The following PRRX2 variants were observed in gnomAD, a reference collection of about 807,000 sequenced individuals.
PRRX2 encodes the protein paired related homeobox 2.
A neutral mutation model predicts 18.0 loss-of-function variants in PRRX2; 11 were observed. That is an observed-to-expected ratio of 0.61 (90% CI 0.39 to 1.01). The LOEUF (loss-of-function observed/expected upper bound fraction) is 1.01. PRRX2 is among the 50% of genes least tolerant of loss of function. PRRX2 has a pLI of 0.01. For missense variants in PRRX2, 387 were observed against 351.0 expected (o/e 1.10, Z -0.82); for synonymous variants, 177 against 154.8 (o/e 1.14, Z -1.06).
At chr9:129,692,185 A>C (rs1242829028) in intron 1 of PRRX2, among the ~76,000 whole-genome samples, 1 of 150,822 alleles carries the variant, frequency 6.6e-6, no homozygotes, top group African/African-American at 2.4e-5. Flanking sequence ...CCTGACCTAA[A>C]GTGATCTACT....
At chr9:129,666,611 T>G (rs1832029323) in intron 1 of PRRX2, among the ~76,000 whole-genome samples, 1 of 113,582 alleles carries the variant, frequency 8.8e-6, no homozygotes, top group Non-Finnish European at 1.7e-5. Flanking sequence ...AGCAGCTGCC[T>G]CGGTGGAACG....
chr9:129,691,195 C>T (rs1275652974), intron 1 of PRRX2, among the ~76,000 whole-genome samples: 2 of 150,136 alleles, frequency 1.3e-5, no homozygotes, highest in African/African-American at 2.5e-5. Flanking sequence ...AAATTAGACA[C>T]GCGTCATGGC....
At chr9:129,684,524 C>CACA (rs1564147490) in intron 1 of PRRX2, among the ~76,000 whole-genome samples, 757 of 45,044 alleles carry the variant, frequency 0.017, 27 homozygotes, top group African/African-American at 0.028. Context: ...ACACACACAC[C>CACA]CACACACACC....
intron 1 of PRRX2, among the ~76,000 whole-genome samples, chr9:129,714,994 A>C (rs2130933352): frequency 6.6e-6 from 1 of 152,018 alleles, no homozygotes; most frequent in Admixed American, 6.6e-5. Context: ...TTCCTCATCG[A>C]GGTGGTGGGG....
chr9:129,718,181 AC>A (rs1381738507), intron 1 of PRRX2, among the ~76,000 whole-genome samples: 1 of 150,998 alleles, frequency 6.6e-6, no homozygotes, highest in African/African-American at 2.4e-5. Flanking sequence ...ACAGGCCAGC[AC>A]CACCCTCGGT....
intron 1 of PRRX2, among the ~76,000 whole-genome samples, chr9:129,686,591 C>T (rs1832301781): frequency 6.6e-6 from 1 of 152,164 alleles, no homozygotes; most frequent in South Asian, 2.1e-4. Flanking sequence ...CCTCAGCCTC[C>T]TAAAGCTCTG....
intron 1 of PRRX2, among the ~76,000 whole-genome samples, chr9:129,670,671 G>A (rs1198739815): frequency 1.3e-5 from 2 of 152,126 alleles, no homozygotes; most frequent in Non-Finnish European, 2.9e-5. Context: ...CACCGTGCCC[G>A]GCCCTACCTT....
At chr9:129,687,568 C>G (rs1832312121) in intron 1 of PRRX2, among the ~76,000 whole-genome samples, 1 of 152,220 alleles carries the variant, frequency 6.6e-6, no homozygotes, top group African/African-American at 2.4e-5. Flanking sequence ...ACACTCAAGG[C>G]TGTGTCAACA....
chr9:129,676,523 C>T (rs1018703355), intron 1 of PRRX2, among the ~76,000 whole-genome samples: 7 of 152,170 alleles, frequency 4.6e-5, no homozygotes, highest in African/African-American at 1.7e-4. Context: ...CAAGGTCACA[C>T]AGGGGGTGGA....
At position 129,665,772 on chromosome 9, in the gene PRRX2, G is replaced by A. The variant is rs973138059; in HGVS notation, c.-96G>A. ...AGGCGGCGGGAGCTGGGCAGAGCGCGGGGCGGCCGGGGCTCTCGCTCCGAC... is the reference window on the plus strand; with the variant it reads ...AGGCGGCGGGAGCTGGGCAGAGCGCAGGGCGGCCGGGGCTCTCGCTCCGAC... On this transcript the variant is annotated 5_prime_UTR_variant, in exon 1 of 4. Coordinates refer to ENST00000372469, the MANE Select transcript of PRRX2 (RefSeq NM_016307.4). This position sits in a 1 kb window ranked among gnomAD's most constrained non-coding sequence, Gnocchi z 5.3. The A allele has an allele frequency of 1.1e-6, 1 of 899,910 alleles. No homozygotes were observed. Among genetic ancestry groups the A allele is most frequent in the Non-Finnish European group, 1.3e-6 (1 of 748,192 alleles). 55.7% of individuals were successfully genotyped at this position (899,910 alleles called of 1,614,324 possible).
chr9:129,677,190 C>T (rs754628544), intron 1 of PRRX2, among the ~76,000 whole-genome samples: 2 of 152,262 alleles, frequency 1.3e-5, no homozygotes, highest in Non-Finnish European at 2.9e-5. Flanking sequence ...GCGCCCCCAG[C>T]GATCCCGTTC....
chr9:129,679,517 G>A (rs1832201822), intron 1 of PRRX2, among the ~76,000 whole-genome samples: 1 of 152,178 alleles, frequency 6.6e-6, no homozygotes, highest in Non-Finnish European at 1.5e-5. Context: ...TCTAGGTGAG[G>A]AAACTGAGGC....
intron 1 of PRRX2, among the ~76,000 whole-genome samples, chr9:129,696,800 G>A (rs1832429569): frequency 6.7e-6 from 1 of 149,160 alleles, no homozygotes; most frequent in Admixed American, 6.9e-5. Context: ...TGCAGGTGCA[G>A]AGGGGGTCCC....
intron 1 of PRRX2, among the ~76,000 whole-genome samples, chr9:129,687,228 A>G: frequency 6.6e-6 from 1 of 152,132 alleles, no homozygotes; most frequent in East Asian, 1.9e-4. Context: ...AACTCTATAA[A>G]ACATTAAAAA....
At position 129,673,560 on chromosome 9, in the gene PRRX2, A is replaced by C. The variant is rs544364859; in HGVS notation, c.259+7434A>C. ...CTATTTTTCTCATTTTGTCGGTGAA[A>C]ACTTTGTCCTAGGCTGGCATTTGGG... On this transcript the variant is annotated intron_variant, in intron 1 of 3. Transcript: ENST00000372469. 6.8e-4 allele frequency among the ~76,000 whole-genome samples: 104 copies of C among 152,242 alleles called. No homozygotes were observed. The Middle Eastern group carries it at 0.01, about 15-fold the overall frequency.
chr9:129,687,823 T>C (rs1832314528), intron 1 of PRRX2, among the ~76,000 whole-genome samples: 1 of 152,216 alleles, frequency 6.6e-6, no homozygotes, highest in East Asian at 1.9e-4. Context: ...GCATCAGCTC[T>C]CTGAGCCTCA....
chr9:129,672,792 G>A (rs73636746), intron 1 of PRRX2, among the ~76,000 whole-genome samples: 7,849 of 152,214 alleles, frequency 0.052, 724 homozygotes, highest in African/African-American at 0.18. Flanking sequence ...CCAGCTGCCC[G>A]GATGCACGAG....
intron 1 of PRRX2, among the ~76,000 whole-genome samples, chr9:129,717,594 G>A (rs995440386): frequency 4.0e-5 from 6 of 151,322 alleles, no homozygotes; most frequent in African/African-American, 7.3e-5. Flanking sequence ...TACTCGAGAG[G>A]CTGAGGCATG....
intron 1 of PRRX2, among the ~76,000 whole-genome samples, chr9:129,696,020 G>A (rs897532359): frequency 2.0e-5 from 3 of 151,756 alleles, no homozygotes; most frequent in Non-Finnish European, 4.4e-5. Context: ...AAATTACTTG[G>A]AATTTGCAAG....
Sources: allele counts gnomAD v4.1 joint callset (sites outside exome capture counted in the v4.1 genomes callset), GRCh38; gene constraint gnomAD v4.1.1; non-coding constraint Gnocchi (gnomAD v3.1); transcripts MANE v1.5; gene names NCBI Gene and HGNC (gene_info 2026-07-23, HGNC 2026-07-21).